CHAF1B: variants seen among roughly 807,000 people sequenced by gnomAD.
The protein encoded by CHAF1B is CAF-1 subunit B.
In CHAF1B, 10 loss-of-function variants were observed where a neutral mutation model predicts 60.7. The observed-to-expected ratio is 0.16, with a 90% CI of 0.10 to 0.28. The LOEUF is 0.28. Ranked by LOEUF, CHAF1B falls within the 10% of genes least tolerant of loss-of-function variation. The pLI is 1.00. For missense variants in CHAF1B, 558 were observed against 708.4 expected, an observed-to-expected ratio of 0.79 and a Z score of 2.41; for synonymous variants, 261 against 266.1, an observed-to-expected ratio of 0.98 and a Z score of 0.19.
intron 10 of CHAF1B, among the ~76,000 whole-genome samples, chr21:36,409,756 C>T (rs1363401198): frequency 6.6e-6 from 1 of 151,954 alleles, no homozygotes; most frequent in Non-Finnish European, 1.5e-5. Flanking sequence ...CCTCGGCCTC[C>T]CAAAATGCTG....
At chr21:36,392,640 C>G (rs902067739) in intron 4 of CHAF1B, among the ~76,000 whole-genome samples, 6 of 151,818 alleles carry the variant, frequency 4.0e-5, no homozygotes, top group African/African-American at 1.5e-4. Context: ...AGGGGCTCCT[C>G]TCTTCCCAGA....
At chr21:36,394,425 G>C in intron 4 of CHAF1B, 122 bp from the exon 5 acceptor site, 1 of 675,040 alleles carries the variant, frequency 1.5e-6, no homozygotes, top group Non-Finnish European at 2.6e-6. Flanking sequence ...AGCCAGGCTG[G>C]CCTTGAACTC....
chr21:36,394,427 C>A, intron 4 of CHAF1B, 120 bp from the exon 5 acceptor site: 1 of 679,966 alleles, frequency 1.5e-6, no homozygotes. Context: ...CCAGGCTGGC[C>A]TTGAACTCCT....
chr21:36,416,124 G>A, intron 13 of CHAF1B, 151 bp from the exon 14 acceptor site: 1 of 656,450 alleles, frequency 1.5e-6, no homozygotes, highest in Non-Finnish European at 2.5e-6. Flanking sequence ...GCCCCTGGTT[G>A]AGAGCCACTC....
In CHAF1B at chr21:36,409,498, T is replaced by C. The variant is rs777910180; in HGVS notation, c.919+33T>C. On this transcript the variant is annotated intron_variant, in intron 10 of 13. Coordinates refer to ENST00000314103, the MANE Select transcript of CHAF1B (RefSeq NM_005441.3). The stretch of plus-strand genomic sequence containing the variant: ...CAGAGCCTCAGGGGTGTGTTATGTT[T>C]TCTCTCCGAAACAGGTCACCAGAGT... The C allele has an allele frequency of 8.4e-6, 13 of 1,539,538 alleles. No homozygotes were observed. The South Asian group carries it at 1.5e-4, about 17-fold the overall frequency.
chr21:36,402,760 A>T lies in CHAF1B; in HGVS notation c.666A>T (p.Ala222=), dbSNP rs1195217577. The change falls in exon 8 of 14, where the codon GCA becomes GCT. Residue 222 remains alanine, a splice_region_variant and synonymous_variant. Transcript: ENST00000314103. ...AAAATAAATTTTGTGTGCGACAGGC[A>T]AGAAGCTACCGGATGTTTCACGACG... ...MLSGIGAEGE[A]RSYRMFHDDS... The T allele has an allele frequency of 1.9e-6, 3 of 1,612,290 alleles. No homozygotes were observed. In the African/African-American group the frequency reaches 4.0e-5, roughly 22 times the overall value.
At chr21:36,402,635 C>A (rs1267900340) in intron 7 of CHAF1B, 123 bp from the exon 8 acceptor site, 3 of 703,286 alleles carry the variant, frequency 4.3e-6, no homozygotes, top group Non-Finnish European at 7.3e-6. Flanking sequence ...TAAAGAAAAC[C>A]ATAGGCACAT....
intron 12 of CHAF1B, 92 bp downstream of exon 12, chr21:36,413,407 G>T: frequency 8.0e-7 from 1 of 1,247,784 alleles, no homozygotes; most frequent in East Asian, 2.4e-5. Context: ...AATTTCAGGC[G>T]GTGAATGCTT....
At position 36,391,479 on chromosome 21, in the gene CHAF1B, AAT is replaced by A. The variant is rs1368297389; in HGVS notation, c.260-71_260-70del. On this transcript the variant is annotated intron_variant, in intron 3 of 13. Coordinates refer to ENST00000314103, the MANE Select transcript of CHAF1B (RefSeq NM_005441.3). ...ACTCCGTCTCAAAAAAAAAAAAAAA[AAT>A]GAAAATAAAAATCCTAATATGAAGG... 1,803 of 977,270 alleles carry A rather than the reference AAT, an allele frequency of 1.8e-3. 6 individuals carry two copies. Among genetic ancestry groups the A allele is most frequent in the Middle Eastern group, 4.4e-3 (14 of 3,204 alleles). The allele number at this position is 977,270 out of a possible 1,614,324, so 60.5% of individuals were successfully genotyped here.
chr21:36,409,967 CT>C lies in CHAF1B; in HGVS notation c.919+516del, dbSNP rs199857685. On this transcript the variant is annotated intron_variant, in intron 10 of 13. Coordinates refer to ENST00000314103, the MANE Select transcript of CHAF1B (RefSeq NM_005441.3). ...GTCTCTCATTATCAATTTTCTTTTT[CT>C]TTTTTTTTTTTTTGAGATGGGGTCT... is the stretch of plus-strand genomic sequence containing the variant. 5.2e-3 allele frequency among the ~76,000 whole-genome samples: 678 copies of C among 131,134 alleles called. 3 individuals are homozygous for C. Among genetic ancestry groups the C allele is most frequent in the East Asian group, 0.03 (139 of 4,570 alleles). 86.0% of individuals were successfully genotyped at this position (131,134 alleles called of 152,430 possible).
intron 10 of CHAF1B, among the ~76,000 whole-genome samples, chr21:36,410,059 G>C (rs1331923723): frequency 6.6e-6 from 1 of 151,824 alleles, no homozygotes; most frequent in Admixed American, 6.6e-5. Flanking sequence ...TGCCTCCCAG[G>C]TTCAAGGGAT....
chr21:36,401,688 C>CAT lies in CHAF1B; in HGVS notation c.664-1057_664-1056dup, dbSNP rs943834480. Among the ~76,000 whole-genome samples, 185 of 137,416 alleles carry CAT rather than the reference C, an allele frequency of 1.3e-3. 2 individuals are homozygous for CAT. The highest frequency in any genetic ancestry group is 3.6e-3 in the South Asian group (16 of 4,474). 90.2% of individuals were successfully genotyped at this position (137,416 alleles called of 152,430 possible). On this transcript the variant is annotated intron_variant, in intron 7 of 13. Transcript: ENST00000314103. Reference sequence around the variant, plus strand: ...TATATATATAAAAATATATCTATTACATATATATATATATGAATAGTAATG... The same window carrying CAT: ...TATATATATAAAAATATATCTATTACATATATATATATATATGAATAGTAATG...
intron 4 of CHAF1B, 67 bp downstream of exon 4, chr21:36,391,735 T>C (rs1366762064): frequency 1.9e-6 from 2 of 1,051,400 alleles, no homozygotes; most frequent in Non-Finnish European, 1.5e-6. Context: ...AATATACCTT[T>C]TGACTTTTTT....
chr21:36,389,773 G>A (rs1269177805), intron 3 of CHAF1B, among the ~76,000 whole-genome samples: 1 of 121,424 alleles, frequency 8.2e-6, no homozygotes, highest in African/African-American at 4.1e-5. Flanking sequence ...GTGTGTGTGT[G>A]TGTGTGTGTG....
chr21:36,397,285 T>A (rs2086148203), intron 5 of CHAF1B, 130 bp from the exon 6 acceptor site: 1 of 429,340 alleles, frequency 2.3e-6, no homozygotes, highest in Non-Finnish European at 4.1e-6. Context: ...TAGTACAGAG[T>A]CTCTCACTTA....
At chr21:36,403,001 A>G (rs1176295574) in intron 8 of CHAF1B, 150 bp downstream of exon 8, 2 of 644,046 alleles carry the variant, frequency 3.1e-6, no homozygotes, top group East Asian at 5.2e-5. Context: ...GAGAGCTTCA[A>G]AAAACACATT....
At chr21:36,390,109 A>G (rs1342305790) in intron 3 of CHAF1B, among the ~76,000 whole-genome samples, 3 of 152,034 alleles carry the variant, frequency 2.0e-5, no homozygotes, top group Non-Finnish European at 4.4e-5. Context: ...TGAGGTGGGC[A>G]GATCACCTGA....
rs376106303 is a variant in CHAF1B, at chr21:36,391,463, CAAAAAAAA to C, written c.260-78_260-71del. 7.3e-4 allele frequency: 374 copies of C among 514,804 alleles called. 2 individuals carry two copies. The African/African-American group carries it at 0.011, about 15-fold the overall frequency. 31.9% of individuals were successfully genotyped at this position (514,804 alleles called of 1,614,324 possible). On this transcript the variant is annotated intron_variant, in intron 3 of 13. Transcript: ENST00000314103. Reference sequence around the variant, plus strand: ...TGGGCGACAGGGTGAGACTCCGTCTCAAAAAAAAAAAAAAAAATGAAAATAAAAATCCT... The same window carrying C: ...TGGGCGACAGGGTGAGACTCCGTCTCAAAAAAAAATGAAAATAAAAATCCT...
intron 3 of CHAF1B, among the ~76,000 whole-genome samples, chr21:36,389,470 G>C (rs1022431450): frequency 6.6e-6 from 1 of 151,852 alleles, no homozygotes; most frequent in East Asian, 1.9e-4. Flanking sequence ...GCTGGGCATG[G>C]TGGTGCGCTC....
Sources: allele counts gnomAD v4.1 joint callset (sites outside exome capture counted in the v4.1 genomes callset), GRCh38; gene constraint gnomAD v4.1.1; transcripts MANE v1.5; gene names NCBI Gene and HGNC (gene_info 2026-07-23, HGNC 2026-07-21).